The following PDE7B variants were observed in gnomAD, a reference collection of about 807,000 sequenced individuals.
PDE7B encodes 3',5'-cyclic-AMP phosphodiesterase 7B.
A neutral mutation model predicts 56.2 loss-of-function variants in PDE7B; 29 were observed. That is an observed-to-expected ratio of 0.52 (90% CI 0.38 to 0.70). The LOEUF is 0.70. Among genes scored for constraint, PDE7B ranks in the 30% least tolerant of loss-of-function variants. The pLI is 0.00. For missense variants in PDE7B, 490 were observed against 565.0 expected (o/e 0.87, Z 1.35); for synonymous variants, 197 against 196.9 (o/e 1.00, Z 0.00).
intron 4 of PDE7B, among the ~76,000 whole-genome samples, chr6:136,148,466 A>AAAGCAGGCAGGCAGGCAGGCAGGC (rs1778455862): frequency 2.3e-5 from 1 of 42,994 alleles, no homozygotes; most frequent in Admixed American, 3.2e-4. Context: ...GGAGGGAAGG[A>AAAGCAGGCAGGCAGGCAGGCAGGC]AGGAAGGCAG....
chr6:135,862,973 G>A (rs1297027575), intron 1 of PDE7B, among the ~76,000 whole-genome samples: 1 of 151,844 alleles, frequency 6.6e-6, no homozygotes, highest in African/African-American at 2.4e-5. Context: ...GGATGTCCTA[G>A]TTCTCTTTTT....
At chr6:135,916,948 A>C (rs928332733) in intron 1 of PDE7B, among the ~76,000 whole-genome samples, 8 of 152,060 alleles carry the variant, frequency 5.3e-5, no homozygotes, top group Non-Finnish European at 8.8e-5. Context: ...TTAATTTGGC[A>C]GTTGAATTTA....
intron 2 of PDE7B, among the ~76,000 whole-genome samples, chr6:135,970,576 T>C (rs1315107137): frequency 2.0e-5 from 3 of 152,208 alleles, no homozygotes; most frequent in Admixed American, 6.5e-5. Flanking sequence ...TTCCCACTGA[T>C]GCTGATAATG....
At chr6:136,095,371 A>G (rs1777455933) in intron 2 of PDE7B, among the ~76,000 whole-genome samples, 1 of 152,162 alleles carries the variant, frequency 6.6e-6, no homozygotes, top group African/African-American at 2.4e-5. Context: ...CAATAAGAAT[A>G]CTCTTAAAAA....
At chr6:136,002,420 G>C (rs1190654213) in intron 2 of PDE7B, among the ~76,000 whole-genome samples, 1 of 152,170 alleles carries the variant, frequency 6.6e-6, no homozygotes, top group Non-Finnish European at 1.5e-5. Flanking sequence ...TGGATAAAGA[G>C]TCAAGACCCA....
chr6:136,151,208 T>C lies in PDE7B; in HGVS notation c.431T>C (p.Leu144Pro), dbSNP rs1240136086. 1.2e-6 allele frequency: 2 copies of C among 1,612,204 alleles called. No individual in the cohort carries two copies. The highest frequency in any genetic ancestry group is 2.2e-5 in the South Asian group (2 of 91,054). ...LLCHLFNTHGLIHHFKLDMVT... is the reference protein window; with the variant it reads ...LLCHLFNTHGPIHHFKLDMVT... ...TGCCACCTCTTCAATACCCATGGAC[T>C]CATTCACCATTTCAAGTTAGATATG... Residue 144 changes from leucine to proline, a missense_variant, in exon 6 of 13, where the codon CTC becomes CCC. Leu to Pro is a moderately conservative substitution (Grantham distance 98). Coordinates refer to ENST00000308191, the MANE Select transcript of PDE7B (RefSeq NM_018945.4).
At chr6:135,877,865 G>A (rs1190688788) in intron 1 of PDE7B, among the ~76,000 whole-genome samples, 1 of 151,926 alleles carries the variant, frequency 6.6e-6, no homozygotes, top group East Asian at 1.9e-4. Flanking sequence ...TGTAAAACAC[G>A]TGCTTCAGAA....
chr6:135,906,961 A>C (rs539888515), intron 1 of PDE7B, among the ~76,000 whole-genome samples: 49 of 152,126 alleles, frequency 3.2e-4, no homozygotes, highest in African/African-American at 1.2e-3. Flanking sequence ...TAACCAGCTA[A>C]ATTGACCCCT....
intron 2 of PDE7B, among the ~76,000 whole-genome samples, chr6:136,082,556 G>A (rs1777223690): frequency 6.6e-6 from 1 of 152,148 alleles, no homozygotes; most frequent in Admixed American, 6.5e-5. Flanking sequence ...AGATAAATGG[G>A]TAAGAACCTG....
intron 2 of PDE7B, among the ~76,000 whole-genome samples, chr6:136,098,997 C>T (rs999756229): frequency 7.5e-6 from 1 of 133,254 alleles, no homozygotes; most frequent in East Asian, 2.7e-4. Context: ...CATCATTTAA[C>T]TCCCAGTTAT....
intron 8 of PDE7B, among the ~76,000 whole-genome samples, chr6:136,172,640 T>G (rs954941677): frequency 3.0e-4 from 45 of 151,912 alleles, no homozygotes; most frequent in Admixed American, 2.5e-3. Flanking sequence ...TTAGTTTAAT[T>G]AGATCCCATT....
chr6:135,926,672 G>A (rs1243134314), intron 1 of PDE7B, among the ~76,000 whole-genome samples: 1 of 152,048 alleles, frequency 6.6e-6, no homozygotes, highest in African/African-American at 2.4e-5. Flanking sequence ...CAGGGGTAGA[G>A]GGTGGTGGTC....
intron 1 of PDE7B, among the ~76,000 whole-genome samples, chr6:135,936,445 G>C (rs367973321): frequency 6.6e-6 from 1 of 152,180 alleles, no homozygotes; most frequent in South Asian, 2.1e-4. Context: ...CAGATGGCTG[G>C]AGTTTAACAA....
In PDE7B at chr6:135,851,858, C is replaced by CTTTTTTTTTTTTTTTTTTTTTTTTTTT; in HGVS notation, c.-128_-127insTTTTTTTTTTTTTTTTTTTTTTTTTTT. 2.0e-6 allele frequency: 1 copy of CTTTTTTTTTTTTTTTTTTTTTTTTTTT among 508,638 alleles called. No individual in the cohort carries two copies. The highest frequency in any genetic ancestry group is 3.3e-5 in the East Asian group (1 of 30,242). 31.5% of individuals were successfully genotyped at this position (508,638 alleles called of 1,614,324 possible). ...TTCTTTATTTCTTTTCCTTTTTTTT[C>CTTTTTTTTTTTTTTTTTTTTTTTTTTT]TTTTTTTTTTTTTGTTACTTAATTA... On this transcript the variant is annotated 5_prime_UTR_variant, in exon 1 of 13. Coordinates refer to ENST00000308191, the MANE Select transcript of PDE7B (RefSeq NM_018945.4).
At position 135,947,469 on chromosome 6, in the gene PDE7B, T is replaced by C. The variant is rs1160920630; in HGVS notation, c.27T>C (p.Cys9=). 1 of 1,610,952 alleles carries C rather than the reference T, an allele frequency of 6.2e-7. No homozygotes were observed. The highest frequency in any genetic ancestry group is 1.1e-5 in the South Asian group (1 of 90,980). The change falls in exon 2 of 13, where the codon TGT becomes TGC. Residue 9 remains cysteine, a synonymous_variant. Coordinates refer to ENST00000308191, the MANE Select transcript of PDE7B (RefSeq NM_018945.4). ...TGGCTATCTTTCTATTTCAGAGGTG[T>C]GGCGAAATCTTGTTTGAGAACCCCG... MSCLMVER[C]GEILFENPDQ...
At chr6:136,010,875 G>A (rs368486288) in intron 2 of PDE7B, among the ~76,000 whole-genome samples, 1 of 152,264 alleles carries the variant, frequency 6.6e-6, no homozygotes, top group Non-Finnish European at 1.5e-5. Context: ...ATAAGTCTGA[G>A]TTCTGATGGG....
At chr6:135,856,595 C>A (rs1775031802) in intron 1 of PDE7B, among the ~76,000 whole-genome samples, 1 of 152,228 alleles carries the variant, frequency 6.6e-6, no homozygotes, top group East Asian at 1.9e-4. Context: ...GGATTTGATG[C>A]AGTTCAATCA....
intron 3 of PDE7B, among the ~76,000 whole-genome samples, chr6:136,139,738 TC>T (rs1293364085): frequency 1.3e-5 from 2 of 152,234 alleles, no homozygotes; most frequent in African/African-American, 4.8e-5. Flanking sequence ...GAGCATTTTT[TC>T]ACGTGTCTTT....
intron 2 of PDE7B, among the ~76,000 whole-genome samples, chr6:136,082,198 C>CCT: frequency 6.6e-6 from 1 of 152,326 alleles, no homozygotes; most frequent in Admixed American, 6.5e-5. Context: ...AGAGGTGTCA[C>CCT]ACACAGGCCT....
Sources: gnomAD v4.1 joint callset for allele counts (sites outside exome capture counted in the v4.1 genomes callset) on GRCh38, gnomAD v4.1.1 for gene constraint, MANE v1.5 for transcripts, NCBI Gene and HGNC (gene_info 2026-07-23, HGNC 2026-07-21) for gene names.